The following KIAA0319 variants were observed in gnomAD, a reference collection of about 807,000 sequenced individuals.
KIAA0319 encodes dyslexia-associated protein KIAA0319.
KIAA0319 carries 83 observed loss-of-function variants against 108.4 expected under a neutral mutation model. The ratio of observed to expected loss-of-function variants is 0.77; its 90% CI spans 0.64 to 0.92. The LOEUF is 0.92. KIAA0319 is among the 40% of genes least tolerant of loss of function. The pLI is 0.00. For missense variants in KIAA0319, 1,195 were observed against 1,322.4 expected (o/e 0.90, Z 1.49); for synonymous variants, 484 against 510.4 (o/e 0.95, Z 0.70).
chr6:24,630,752 ATACT>A (rs1775482865), intron 1 of KIAA0319, among the ~76,000 whole-genome samples: 4 of 150,916 alleles, frequency 2.7e-5, no homozygotes, highest in African/African-American at 9.7e-5. Context: ...GAGTTGTATA[ATACT>A]TTCATTCAAT....
At chr6:24,628,589 T>C (rs574300144) in intron 1 of KIAA0319, among the ~76,000 whole-genome samples, 1 of 152,228 alleles carries the variant, frequency 6.6e-6, no homozygotes, top group African/African-American at 2.4e-5. Context: ...AGGGCTACTG[T>C]AACAAAGTAC....
chr6:24,636,443 T>G lies in KIAA0319; in HGVS notation c.-106+9293A>C, dbSNP rs536734173. Among the ~76,000 whole-genome samples, 4 of 152,360 alleles carry G rather than the reference T, an allele frequency of 2.6e-5. No homozygotes were observed. In the South Asian group the frequency reaches 8.3e-4, roughly 32 times the overall value. On this transcript the variant is annotated intron_variant, in intron 1 of 20. Transcript: ENST00000378214. ...GCACCAAAATAAACTTGTACTAGCT[T>G]GTTATAACTTGTTTGAACAGGATCT...
intron 1 of KIAA0319, among the ~76,000 whole-genome samples, chr6:24,630,508 C>CAAAAAAAA (rs66787757): frequency 3.2e-4 from 33 of 104,378 alleles, no homozygotes; most frequent in Non-Finnish European, 4.0e-4. Context: ...GATTCTGTCT[C>CAAAAAAAA]AAAAAAAAAA....
intron 1 of KIAA0319, among the ~76,000 whole-genome samples, chr6:24,621,991 T>C (rs1774013770): frequency 6.6e-6 from 1 of 152,190 alleles, no homozygotes; most frequent in Admixed American, 6.5e-5. Flanking sequence ...GGGGCCCTGG[T>C]GGCAGCACTG....
At chr6:24,565,528 G>T (rs959161061) in intron 14 of KIAA0319, among the ~76,000 whole-genome samples, 1 of 152,032 alleles carries the variant, frequency 6.6e-6, no homozygotes, top group Non-Finnish European at 1.5e-5. Flanking sequence ...GCCGAAGCGG[G>T]TGGATCACAA....
At chr6:24,627,308 G>A (rs1454176845) in intron 1 of KIAA0319, among the ~76,000 whole-genome samples, 1 of 152,148 alleles carries the variant, frequency 6.6e-6, no homozygotes, top group Admixed American at 6.5e-5. Flanking sequence ...GTTACAATTA[G>A]AGATCACTGT....
chr6:24,608,391 T>C (rs113887352), intron 1 of KIAA0319, among the ~76,000 whole-genome samples: 1 of 152,026 alleles, frequency 6.6e-6, no homozygotes, highest in Non-Finnish European at 1.5e-5. Context: ...GAATTTTTAT[T>C]TGGGTGAATG....
chr6:24,542,603 C>T (rs751882661), downstream of KIAA0319, among the ~76,000 whole-genome samples: 2 of 152,134 alleles, frequency 1.3e-5, no homozygotes, highest in Non-Finnish European at 2.9e-5. Flanking sequence ...GTCCCACCTA[C>T]TCAGGAAGCT....
intron 1 of KIAA0319, among the ~76,000 whole-genome samples, chr6:24,625,290 T>C (rs1158164533): frequency 6.6e-6 from 1 of 152,176 alleles, no homozygotes; most frequent in East Asian, 1.9e-4. Flanking sequence ...GCTTTAAAAC[T>C]ATTAAAAGTA....
chr6:24,603,272 G>C (rs1392531538), intron 1 of KIAA0319, among the ~76,000 whole-genome samples: 1 of 152,114 alleles, frequency 6.6e-6, no homozygotes, highest in Non-Finnish European at 1.5e-5. Flanking sequence ...TGATAGAATT[G>C]AGGTTCAAAA....
At chr6:24,575,230 T>A (rs1765296202) in intron 10 of KIAA0319, among the ~76,000 whole-genome samples, 1 of 152,194 alleles carries the variant, frequency 6.6e-6, no homozygotes, top group Non-Finnish European at 1.5e-5. Flanking sequence ...GTCTGGCAAC[T>A]GGGCTGGTGT....
intron 10 of KIAA0319, among the ~76,000 whole-genome samples, chr6:24,573,300 A>G (rs1209825734): frequency 1.3e-5 from 2 of 152,236 alleles, no homozygotes; most frequent in Non-Finnish European, 2.9e-5. Flanking sequence ...AGAGAAATGC[A>G]CAAGGAGACT....
chr6:24,635,932 A>C (rs1011448652), intron 1 of KIAA0319, among the ~76,000 whole-genome samples: 1 of 152,228 alleles, frequency 6.6e-6, no homozygotes, highest in Non-Finnish European at 1.5e-5. Context: ...TGACATTATG[A>C]AATATTATGA....
At position 24,553,310 on chromosome 6, in the gene KIAA0319, C is replaced by T. The variant is rs1326721517; in HGVS notation, c.2948+1231G>A. On this transcript the variant is annotated intron_variant, in intron 19 of 20. Transcript: ENST00000378214. ...ATATATATATACACACACACACACA[C>T]ACACACACACACACACACACACACA... 1.5e-3 allele frequency among the ~76,000 whole-genome samples: 168 copies of T among 110,784 alleles called. 1 individual carries two copies. Among genetic ancestry groups the T allele is most frequent in the Non-Finnish European group, 1.5e-3 (85 of 55,240 alleles). 72.7% of individuals were successfully genotyped at this position (110,784 alleles called of 152,430 possible). A position where few individuals can be genotyped will look rare whatever the true frequency, so the allele number is the denominator to read the frequency against.
Position 24,545,127 on chromosome 6 carries a change from C to T in KIAA0319, c.*2038G>A, listed in dbSNP as rs756183044. 3.9e-5 allele frequency: 6 copies of T among 152,284 alleles called. No homozygotes were observed. The South Asian group carries it at 8.3e-4, about 21-fold the overall frequency. 9.4% of individuals were successfully genotyped at this position (152,284 alleles called of 1,614,324 possible). ...ACTTTCAGGTGGCCCAAAAGTTCCA[C>T]CAGAATTTGCCCTCCATCCATCAAG... is the stretch of plus-strand genomic sequence containing the variant. On this transcript the variant is annotated 3_prime_UTR_variant, in exon 21 of 21. Transcript: ENST00000378214.
intron 1 of KIAA0319, among the ~76,000 whole-genome samples, chr6:24,639,491 T>C (rs749150281): frequency 4.6e-5 from 7 of 152,356 alleles, no homozygotes; most frequent in Non-Finnish European, 7.3e-5. Flanking sequence ...TATGCATATA[T>C]TCTTACTAAA....
chr6:24,645,867 A>G lies in KIAA0319; in HGVS notation c.-237T>C. The stretch of plus-strand genomic sequence containing the variant: ...CACACACACACACACACACACACAC[A>G]CACACACACACACACACACACGTTC... On this transcript the variant is annotated 5_prime_UTR_variant, in exon 1 of 21. Coordinates refer to ENST00000378214, the MANE Select transcript of KIAA0319 (RefSeq NM_014809.4). 1 of 81,736 alleles carries G rather than the reference A, an allele frequency of 1.2e-5. No individual in the cohort carries two copies. Among genetic ancestry groups the G allele is most frequent in the African/African-American group, 4.3e-5 (1 of 23,450 alleles). 5.1% of individuals were successfully genotyped at this position (81,736 alleles called of 1,614,324 possible).
At chr6:24,594,198 C>CAAAAAAAAAAAAAAAAAAAAA in intron 3 of KIAA0319, among the ~76,000 whole-genome samples, 1 of 54,398 alleles carries the variant, frequency 1.8e-5, no homozygotes, top group Non-Finnish European at 3.1e-5. Flanking sequence ...GACTCTGTCT[C>CAAAAAAAAAAAAAAAAAAAAA]AAAAAAAAAA....
At chr6:24,604,435 G>C (rs1771111822) in intron 1 of KIAA0319, among the ~76,000 whole-genome samples, 1 of 152,160 alleles carries the variant, frequency 6.6e-6, no homozygotes, top group Admixed American at 6.5e-5. Flanking sequence ...GATACAGATT[G>C]GGCCTCCACC....
Sources: gnomAD v4.1 joint callset for allele counts (sites outside exome capture counted in the v4.1 genomes callset) on GRCh38, gnomAD v4.1.1 for gene constraint, MANE v1.5 for transcripts, NCBI Gene and HGNC (gene_info 2026-07-23, HGNC 2026-07-21) for gene names.